The following PDE3A variants were observed in gnomAD, a reference collection of about 807,000 sequenced individuals.
The protein encoded by PDE3A is phosphodiesterase 3A, also known as cGMP-inhibited 3',5'-cyclic phosphodiesterase 3A.
PDE3A carries 43 observed loss-of-function variants against 98.3 expected under a neutral mutation model. That is an observed-to-expected ratio of 0.44 (90% CI 0.34 to 0.56). The LOEUF is 0.56. Among genes scored for constraint, PDE3A ranks in the 20% least tolerant of loss-of-function variants. The pLI, the probability that PDE3A is intolerant of heterozygous loss-of-function variation, is 0.01. For missense variants in PDE3A, 1,427 were observed against 1,440.7 expected, an observed-to-expected ratio of 0.99 and a Z score of 0.15; for synonymous variants, 663 against 567.9, an observed-to-expected ratio of 1.17 and a Z score of -2.38.
intron 5 of PDE3A, among the ~76,000 whole-genome samples, chr12:20,625,006 C>T (rs1446850586): frequency 2.6e-5 from 4 of 152,042 alleles, no homozygotes; most frequent in African/African-American, 7.2e-5. Flanking sequence ...GGCAATGAGG[C>T]GGAGGGAAAG....
chr12:20,590,051 C>T (rs1943298364), intron 2 of PDE3A, among the ~76,000 whole-genome samples: 1 of 152,046 alleles, frequency 6.6e-6, no homozygotes, highest in Non-Finnish European at 1.5e-5. Flanking sequence ...GTGAAGGCCA[C>T]TGGCTTGAGT....
At chr12:20,425,453 T>C (rs188565555) in intron 1 of PDE3A, among the ~76,000 whole-genome samples, 2 of 152,194 alleles carry the variant, frequency 1.3e-5, no homozygotes, top group Non-Finnish European at 2.9e-5. Context: ...AGGAACTTTG[T>C]GACTTGTAAA....
At chr12:20,595,763 T>C (rs1943451884) in intron 2 of PDE3A, among the ~76,000 whole-genome samples, 1 of 152,174 alleles carries the variant, frequency 6.6e-6, no homozygotes, top group Non-Finnish European at 1.5e-5. Flanking sequence ...GGCCAGCACT[T>C]GAAAGGGGCC....
At chr12:20,579,251 AT>A (rs1943009527) in intron 2 of PDE3A, among the ~76,000 whole-genome samples, 1 of 152,360 alleles carries the variant, frequency 6.6e-6, no homozygotes, top group East Asian at 1.9e-4. Flanking sequence ...CATAGGATTT[AT>A]AACGGGTGTG....
At chr12:20,602,406 G>T (rs558899979) in intron 2 of PDE3A, among the ~76,000 whole-genome samples, 1 of 152,140 alleles carries the variant, frequency 6.6e-6, no homozygotes, top group Non-Finnish European at 1.5e-5. Context: ...ACGTGAGTTC[G>T]CTAGTGTCTG....
intron 1 of PDE3A, among the ~76,000 whole-genome samples, chr12:20,419,381 C>A (rs1397653192): frequency 6.6e-6 from 1 of 152,036 alleles, no homozygotes; most frequent in Admixed American, 6.6e-5. Flanking sequence ...CAGGCTTGAA[C>A]TCCTAGGTTC....
chr12:20,577,842 GT>G (rs1232492995), intron 2 of PDE3A, among the ~76,000 whole-genome samples: 3 of 152,118 alleles, frequency 2.0e-5, no homozygotes, highest in Admixed American at 6.6e-5. Context: ...AGAAGCATTT[GT>G]TTTCTTGTAT....
At chr12:20,393,361 G>A (rs933395354) in intron 1 of PDE3A, among the ~76,000 whole-genome samples, 2 of 151,896 alleles carry the variant, frequency 1.3e-5, no homozygotes, top group Admixed American at 1.3e-4. Flanking sequence ...GATCTCATGA[G>A]ACTTATTCAC....
At chr12:20,612,249 T>TTATA (rs10640777) in intron 2 of PDE3A, among the ~76,000 whole-genome samples, 15,003 of 149,924 alleles carry the variant, frequency 0.1, 943 homozygotes, top group East Asian at 0.2. Flanking sequence ...ATAAGTGGCT[T>TTATA]TATATATATA....
intron 1 of PDE3A, among the ~76,000 whole-genome samples, chr12:20,494,611 T>C (rs1185803415): frequency 6.6e-6 from 1 of 152,168 alleles, no homozygotes; most frequent in African/African-American, 2.4e-5. Flanking sequence ...CCTTACATGA[T>C]AAATTATGAC....
At chr12:20,558,507 C>A (rs995501379) in intron 2 of PDE3A, among the ~76,000 whole-genome samples, 5 of 151,692 alleles carry the variant, frequency 3.3e-5, no homozygotes, top group African/African-American at 1.2e-4. Context: ...CATTTTGATT[C>A]CTCAACTCAG....
chr12:20,464,910 T>G (rs1344757378), intron 1 of PDE3A, among the ~76,000 whole-genome samples: 2 of 152,126 alleles, frequency 1.3e-5, no homozygotes, highest in Non-Finnish European at 2.9e-5. Context: ...TCTCACCACA[T>G]GATGAACTGA....
intron 2 of PDE3A, among the ~76,000 whole-genome samples, chr12:20,593,873 G>A (rs1395110255): frequency 6.6e-6 from 1 of 152,010 alleles, no homozygotes. Context: ...GGGCTGGGAG[G>A]GAAGGGCACA....
At chr12:20,566,860 A>G (rs1173274286) in intron 2 of PDE3A, among the ~76,000 whole-genome samples, 1 of 151,876 alleles carries the variant, frequency 6.6e-6, no homozygotes, top group Non-Finnish European at 1.5e-5. Context: ...TCTTAACTCC[A>G]CTTTTACCAC....
chr12:20,556,652 C>T lies in PDE3A; in HGVS notation c.961-8C>T. ...TCATTTAACTTATTATAATTTTCATCTTTCCAGCTCATGGGGCATTCAGAA... is the reference window on the plus strand; with the variant it reads ...TCATTTAACTTATTATAATTTTCATTTTTCCAGCTCATGGGGCATTCAGAA... On this transcript the variant is annotated splice_region_variant and splice_polypyrimidine_tract_variant and intron_variant, in intron 1 of 15. Coordinates refer to ENST00000359062, the MANE Select transcript of PDE3A (RefSeq NM_000921.5). The T allele has an allele frequency of 6.4e-7, 1 of 1,564,228 alleles. No homozygotes were observed. The highest frequency in any genetic ancestry group is 8.8e-7 in the Non-Finnish European group (1 of 1,135,802).
At position 20,429,845 on chromosome 12, in the gene PDE3A, C is replaced by T. The variant is rs144049042; in HGVS notation, c.960+59601C>T. 6.6e-3 allele frequency among the ~76,000 whole-genome samples: 970 copies of T among 146,782 alleles called. 6 individuals are homozygous for T. The highest frequency in any genetic ancestry group is 0.024 in the African/African-American group (930 of 39,372). ...AGAAACATCAAATCCATGTTCCATA[C>T]ATCTTAGACACTGATTTTTTTTTTT... On this transcript the variant is annotated intron_variant, in intron 1 of 15. Transcript: ENST00000359062.
At chr12:20,509,735 C>A in intron 1 of PDE3A, among the ~76,000 whole-genome samples, 1 of 151,920 alleles carries the variant, frequency 6.6e-6, no homozygotes, top group East Asian at 1.9e-4. Flanking sequence ...GTCTTTTCTT[C>A]TCTTTAGTGC....
intron 1 of PDE3A, among the ~76,000 whole-genome samples, chr12:20,382,100 T>A (rs1228408746): frequency 6.6e-6 from 1 of 151,846 alleles, no homozygotes; most frequent in Non-Finnish European, 1.5e-5. Flanking sequence ...TTAGTGTGAA[T>A]AAAAATTATT....
intron 1 of PDE3A, among the ~76,000 whole-genome samples, chr12:20,385,996 A>C (rs1399081796): frequency 1.9e-5 from 2 of 105,972 alleles, no homozygotes; most frequent in African/African-American, 8.8e-5. Flanking sequence ...TATATATAAA[A>C]TATATATATA....
Sources: gnomAD v4.1 joint callset for allele counts (sites outside exome capture counted in the v4.1 genomes callset) on GRCh38, gnomAD v4.1.1 for gene constraint, MANE v1.5 for transcripts, NCBI Gene and HGNC (gene_info 2026-07-23, HGNC 2026-07-21) for gene names.